Variants in GCM2 observed in about 807,000 individuals in gnomAD.
GCM2 encodes chorion-specific transcription factor GCMb.
Under a neutral mutation model 24.8 loss-of-function variants are expected in GCM2, and 21 were observed. The observed-to-expected ratio is 0.85, with a 90% confidence interval of 0.60 to 1.22. GCM2 has a LOEUF of 1.22. Ranked by LOEUF, GCM2 falls within the 50% of genes most tolerant of loss-of-function variation. The pLI is 0.00. For synonymous variants in GCM2, 222 were observed against 238.0 expected, an observed-to-expected ratio of 0.93 and a Z score of 0.62; for missense variants, 532 against 645.6, an observed-to-expected ratio of 0.82 and a Z score of 1.91.
chr6:10,878,699 T>C (rs1779916659), intron 1 of GCM2, among the ~76,000 whole-genome samples: 2 of 152,224 alleles, frequency 1.3e-5, no homozygotes, highest in Non-Finnish European at 2.9e-5. Flanking sequence ...AGAAACAGTA[T>C]GACCTGCAAA....
chr6:10,873,897 A>C lies in GCM2; in HGVS notation c.*98T>G. ...CTACTATCTGTGTTTCTTTGCACAC[A>C]AGGTGAATCTCCCAACTCAATAAGA... On this transcript the variant is annotated 3_prime_UTR_variant, in exon 5 of 5. Transcript: ENST00000379491. 3 of 910,016 alleles carry C rather than the reference A, an allele frequency of 3.3e-6. No homozygotes were observed. The allele number at this position is 910,016 out of a possible 1,614,324, so 56.4% of individuals were successfully genotyped here.
At position 10,874,361 on chromosome 6, in the gene GCM2, G is replaced by C. The variant is rs1561671231; in HGVS notation, c.1155C>G (p.Thr385=). The C allele has an allele frequency of 1.2e-6, 2 of 1,614,000 alleles. No individual in the cohort carries two copies. The highest frequency in any genetic ancestry group is 1.7e-6 in the Non-Finnish European group (2 of 1,179,862). The part of the protein sequence containing the change: ...GAPALQTVIT[T]TTKVSYQAYQ... ...AGGCCTGGTAGGACACTTTAGTGGT[G>C]GTGGTGATCACGGTTTGTAGGGCAG... The change falls in exon 5 of 5, where the codon ACC becomes ACG. Residue 385 remains threonine (T), a synonymous_variant. Coordinates refer to ENST00000379491, the MANE Select transcript of GCM2 (RefSeq NM_004752.4).
intron 4 of GCM2, 26 bp downstream of exon 4, chr6:10,875,865 A>T (rs781758170): frequency 2.5e-6 from 4 of 1,611,236 alleles, no homozygotes; most frequent in Non-Finnish European, 3.4e-6. Flanking sequence ...AGCTGAGACC[A>T]CTGTGCACTA....
At chr6:10,878,674 T>C (rs1779916349) in intron 1 of GCM2, among the ~76,000 whole-genome samples, 1 of 152,212 alleles carries the variant, frequency 6.6e-6, no homozygotes, top group Admixed American at 6.5e-5. Context: ...CAGTGCAGAA[T>C]TGAATATTTG....
At chr6:10,881,181 G>A (rs1779952276) in intron 1 of GCM2, among the ~76,000 whole-genome samples, 1 of 151,572 alleles carries the variant, frequency 6.6e-6, no homozygotes, top group Non-Finnish European at 1.5e-5. Flanking sequence ...TTTTTGAGAT[G>A]GAGTTTTGCT....
rs1779839606 is a variant in GCM2, at chr6:10,874,031, C to T, written c.1485G>A (p.Val495=). ...CATTGTTGTAGGTAAAGAAGGGACC[C>T]ACTCTGTCTGAGTAACTGACTGCGG... ...LGSAVSYSDR[V]GPFFTYNNED... Residue 495 remains valine (V), a synonymous_variant, in exon 5 of 5, where the codon GTG becomes GTA. Coordinates refer to ENST00000379491, the MANE Select transcript of GCM2 (RefSeq NM_004752.4). 6.2e-7 allele frequency: 1 copy of T among 1,614,018 alleles called. No homozygotes were observed. Among genetic ancestry groups the T allele is most frequent in the Admixed American group, 1.7e-5 (1 of 59,998 alleles).
At chr6:10,877,536 T>C in intron 1 of GCM2, 144 bp from the exon 2 acceptor site, 1 of 802,464 alleles carries the variant, frequency 1.2e-6, no homozygotes, top group Non-Finnish European at 2.1e-6. Context: ...CCACTCTTTC[T>C]ATGTAAGACT....
In GCM2 at chr6:10,876,008, T is replaced by A. The variant is rs747688999; in HGVS notation, c.465A>T (p.Gly155=). Residue 155 remains glycine, a synonymous_variant, in exon 4 of 5, where the codon GGA becomes GGT. Coordinates refer to ENST00000379491, the MANE Select transcript of GCM2 (RefSeq NM_004752.4). ...TCTCTGGTCTTGGATGATCATGAAC[T>A]CCCTTGGCCTGCGATAACGAGAAAA... ...DGNAIFFQAK[G]VHDHPRPESK... is the part of the protein sequence containing the mutation. The A allele has an allele frequency of 2.7e-5, 44 of 1,614,066 alleles. No individual in the cohort carries two copies. The highest frequency in any genetic ancestry group is 3.7e-5 in the Non-Finnish European group (44 of 1,179,956).
Position 10,874,037 on chromosome 6 carries a change from G to A in GCM2, c.1479C>T (p.Asp493=). 6.2e-7 allele frequency: 1 copy of A among 1,614,164 alleles called. No individual in the cohort carries two copies. Among genetic ancestry groups the A allele is most frequent in the East Asian group, 2.2e-5 (1 of 44,886 alleles). ...TGTAGGTAAAGAAGGGACCCACTCT[G>A]TCTGAGTAACTGACTGCGGAGCCCA... The part of the protein sequence containing the change: ...SGLGSAVSYS[D]RVGPFFTYNN... Residue 493 remains aspartate (D), a synonymous_variant, in exon 5 of 5, where the codon GAC becomes GAT. Transcript: ENST00000379491.
rs377314144 is a variant in GCM2, at chr6:10,876,569, A to G, written c.344-12T>C. 6.4e-5 allele frequency: 98 copies of G among 1,540,266 alleles called. No homozygotes were observed. Among genetic ancestry groups the G allele is most frequent in the Non-Finnish European group, 8.1e-5 (90 of 1,112,844 alleles). On this transcript the variant is annotated splice_polypyrimidine_tract_variant and intron_variant, in intron 2 of 4. Coordinates refer to ENST00000379491, the MANE Select transcript of GCM2 (RefSeq NM_004752.4). ...AGGGCATGCCTTCTCTGCAAAGCCC[A>G]GAAGGGAGAAATATTAACCCTGACC...
In GCM2 at chr6:10,873,820, T is replaced by C. The variant is rs963362203; in HGVS notation, c.*175A>G. 2 of 662,860 alleles carry C rather than the reference T, an allele frequency of 3.0e-6. No individual in the cohort carries two copies. Among genetic ancestry groups the C allele is most frequent in the Non-Finnish European group, 2.7e-6 (1 of 367,208 alleles). 41.1% of individuals were successfully genotyped at this position (662,860 alleles called of 1,614,324 possible). A position where few individuals can be genotyped will look rare whatever the true frequency, so the allele number is the denominator to read the frequency against. ...TCAAAATGCTGTGTGAAATTTCCCA[T>C]ATTATCTAATCATTTCCAACTGATT... On this transcript the variant is annotated 3_prime_UTR_variant, in exon 5 of 5. Coordinates refer to ENST00000379491, the MANE Select transcript of GCM2 (RefSeq NM_004752.4).
intron 2 of GCM2, 141 bp downstream of exon 2, chr6:10,876,999 G>T (rs983635474): frequency 1.8e-6 from 2 of 1,126,504 alleles, no homozygotes; most frequent in Admixed American, 1.7e-5. Context: ...GGAGGCGGAG[G>T]TTGCAGTGAG....
In GCM2 at chr6:10,874,592, G is replaced by T. The variant is rs761039060; in HGVS notation, c.924C>A (p.Asn308Lys). The T allele has an allele frequency of 4.3e-6, 7 of 1,613,066 alleles. No homozygotes were observed. The highest frequency in any genetic ancestry group is 5.1e-6 in the Non-Finnish European group (6 of 1,179,018). The change falls in exon 5 of 5, where the codon AAC becomes AAA. Residue 308 changes from asparagine (N) to lysine (K), a missense_variant. By Grantham distance (94) the Asn-to-Lys change is moderately conservative. Around this residue, in one of 3 missense-constraint regions of GCM2, gnomAD observed 434 missense variants for 521.9 expected, o/e 0.83. Transcript: ENST00000379491. Reference sequence around the variant, plus strand: ...ATGAATTGACATTACATTGTAGTGTGTTCAGATGAACCCAGTCTGTGTCAT... The same window carrying T: ...ATGAATTGACATTACATTGTAGTGTTTTCAGATGAACCCAGTCTGTGTCAT... ...IPNDTDWVHL[N>K]TLQCNVNSYS...
At position 10,874,062 on chromosome 6, in the gene GCM2, A is replaced by G. The variant is rs368713785; in HGVS notation, c.1454T>C (p.Leu485Pro). 4 of 1,614,142 alleles carry G rather than the reference A, an allele frequency of 2.5e-6. No homozygotes were observed. The highest frequency in any genetic ancestry group is 3.4e-6 in the Non-Finnish European group (4 of 1,180,056). The change falls in exon 5 of 5, where the codon CTG becomes CCG. Residue 485 changes from leucine (L) to proline (P), a missense_variant. Physicochemically the swap from Leu to Pro is moderately conservative, Grantham distance 98 (BLOSUM62 -3). Around this residue, in one of 3 missense-constraint regions of GCM2, gnomAD observed 434 missense variants for 521.9 expected, o/e 0.83. Transcript: ENST00000379491. ...AETWDVCLSG[L>P]GSAVSYSDRV... is the part of the protein sequence containing the mutation. ...GTCTGAGTAACTGACTGCGGAGCCC[A>G]GCCCAGACAGACACACATCCCAAGT... is the stretch of plus-strand genomic sequence containing the variant.
In GCM2 at chr6:10,877,315, C is replaced by G. The variant is rs11963184; in HGVS notation, c.168G>C (p.Lys56Asn). 641 of 1,614,222 alleles carry G rather than the reference C, an allele frequency of 4.0e-4. 7 individuals are homozygous for G. The African/African-American group carries it at 7.1e-3, about 18-fold the overall frequency. The change falls in exon 2 of 5, where the codon AAG becomes AAC. Residue 56 changes from lysine to asparagine, a missense_variant. Lys to Asn is a moderately conservative substitution (Grantham distance 94, BLOSUM62 0). Coordinates refer to ENST00000379491, the MANE Select transcript of GCM2 (RefSeq NM_004752.4). ...CCCAGCCGCTCAGGTGACGCTGTGC[C>G]TTCTTCTCATCGCTGCTGTAGATGA... Reference protein sequence around the residue: ...VRFIYSSDEKKAQRHLSGWAM... With the variant: ...VRFIYSSDEKNAQRHLSGWAM...
In GCM2 at chr6:10,881,259, A is replaced by G. The variant is rs574232232; in HGVS notation, c.90+445T>C. Among the ~76,000 whole-genome samples the G allele has an allele frequency of 1.2e-4, 18 of 152,170 alleles. No individual in the cohort carries two copies. The East Asian group carries it at 3.3e-3, about 28-fold the overall frequency. ...CCGCAACCTCTGCCTCTCGGGTTCA[A>G]GCGATTCTCCTGCCTCAGCCTCCCG... On this transcript the variant is annotated intron_variant, in intron 1 of 4. Transcript: ENST00000379491.
At chr6:10,880,528 C>T (rs1779943412) in intron 1 of GCM2, among the ~76,000 whole-genome samples, 1 of 152,018 alleles carries the variant, frequency 6.6e-6, no homozygotes. Context: ...TTCTACACCC[C>T]CCACCCCCTA....
Position 10,881,899 on chromosome 6 carries a change from GGT to G in GCM2, c.-108_-107del. On this transcript the variant is annotated 5_prime_UTR_variant, in exon 1 of 5. An upstream open reading frame in the 5' UTR gains an earlier in-frame stop. Transcript: ENST00000379491. ...TTCTTCTCTTTAAAGAAGAAAGTGG[GGT>G]GTGTGAAGGGGAGGTGCAGAGAGAG... The G allele has an allele frequency of 1.2e-6, 1 of 811,680 alleles. No individual in the cohort carries two copies. The allele number at this position is 811,680 out of a possible 1,614,324, so 50.3% of individuals were successfully genotyped here.
intron 1 of GCM2, among the ~76,000 whole-genome samples, chr6:10,880,054 G>A (rs1779936951): frequency 6.6e-6 from 1 of 152,116 alleles, no homozygotes; most frequent in Admixed American, 6.6e-5. Flanking sequence ...TCAGGAGTTC[G>A]AGACCAGCCT....
Sources: allele counts gnomAD v4.1 joint callset (sites outside exome capture counted in the v4.1 genomes callset), GRCh38; gene constraint gnomAD v4.1.1; regional missense constraint gnomAD v4.1.1; transcripts MANE v1.5; gene names NCBI Gene and HGNC (gene_info 2026-07-23, HGNC 2026-07-21).